TSPAN9: variants seen among roughly 807,000 people sequenced by gnomAD.
The protein encoded by TSPAN9 is tetraspanin 9, also known as tetraspanin-9.
In TSPAN9, 16 loss-of-function variants were observed where a neutral mutation model predicts 31.0. The ratio of observed to expected loss-of-function variants is 0.52; its 90% CI spans 0.35 to 0.78. The LOEUF is 0.78. Ranked by LOEUF, TSPAN9 falls within the 30% of genes least tolerant of loss-of-function variation. The pLI is 0.01. For synonymous variants in TSPAN9, 145 were observed against 121.6 expected (o/e 1.19, Z -1.27); for missense variants, 272 against 312.5 (o/e 0.87, Z 0.98).
intron 3 of TSPAN9, chr12:3,206,494 C>G (rs2098375268): frequency 2.9e-6 from 1 of 341,310 alleles, no homozygotes; most frequent in Non-Finnish European, 6.3e-6. Context: ...CTTTCCTCCC[C>G]TCTACACCCA....
chr12:3,154,658 A>G (rs1344910553), intron 2 of TSPAN9, among the ~76,000 whole-genome samples: 2 of 152,182 alleles, frequency 1.3e-5, no homozygotes, highest in Non-Finnish European at 2.9e-5. Context: ...CCAGCATAGA[A>G]CATGATGCAC....
At chr12:3,264,571 A>G (rs61597223) in intron 3 of TSPAN9, among the ~76,000 whole-genome samples, 61,056 of 152,032 alleles carry the variant, frequency 0.4, 13,895 homozygotes, top group South Asian at 0.6. Context: ...CAGGGCTCGG[A>G]GAGGCCCAGG....
chr12:3,256,377 G>A (rs1177063085), intron 3 of TSPAN9, among the ~76,000 whole-genome samples: 2 of 152,208 alleles, frequency 1.3e-5, no homozygotes, highest in Non-Finnish European at 2.9e-5. Flanking sequence ...TTGCCGCAGG[G>A]GTCCGGCAGT....
intron 2 of TSPAN9, among the ~76,000 whole-genome samples, chr12:3,128,189 T>C (rs1465580700): frequency 3.9e-5 from 6 of 152,158 alleles, no homozygotes; most frequent in African/African-American, 1.4e-4. Context: ...CCCATTCTTG[T>C]CTCTGTTCTC....
intron 2 of TSPAN9, among the ~76,000 whole-genome samples, chr12:3,179,468 G>A (rs1315210460): frequency 6.6e-6 from 1 of 152,206 alleles, no homozygotes; most frequent in African/African-American, 2.4e-5. Flanking sequence ...CCTGCTTGGA[G>A]CCTTCAGATG....
chr12:3,156,613 T>G (rs949046843), intron 2 of TSPAN9, among the ~76,000 whole-genome samples: 1 of 151,524 alleles, frequency 6.6e-6, no homozygotes, highest in Non-Finnish European at 1.5e-5. Context: ...ACCTCCCAGA[T>G]CCTCCTGCCT....
rs149689778 is a variant in TSPAN9, at chr12:3,278,447, G to A, written c.90G>A (p.Val30=). The A allele has an allele frequency of 4.3e-6, 7 of 1,614,076 alleles. No individual in the cohort carries two copies. In the African/African-American group the frequency reaches 8.0e-5, roughly 18 times the overall value. ...TCTGTGGCTGTGGGCTGCTGGGAGT[G>A]GGCATCTGGCTCTCCGTGTCCCAAG... ...FWLCGCGLLG[V]GIWLSVSQGN... The change falls in exon 4 of 9, where the codon GTG becomes GTA. Residue 30 remains valine (V), a synonymous_variant. Coordinates refer to ENST00000011898, the MANE Select transcript of TSPAN9 (RefSeq NM_006675.5).
chr12:3,158,011 A>T (rs932193751), intron 2 of TSPAN9, among the ~76,000 whole-genome samples: 1 of 152,182 alleles, frequency 6.6e-6, no homozygotes, highest in East Asian at 1.9e-4. Flanking sequence ...CTAAAAAAAA[A>T]GAAATGGAAA....
At position 3,092,634 on chromosome 12, in the gene TSPAN9, G is replaced by A. The variant is rs192006082; in HGVS notation, c.-18+8915G>A. On this transcript the variant is annotated intron_variant, in intron 2 of 8. Coordinates refer to ENST00000011898, the MANE Select transcript of TSPAN9 (RefSeq NM_006675.5). The stretch of plus-strand genomic sequence containing the variant: ...GACTCAGCAGGGAGCTCTCACTGCT[G>A]TATGGACACACCTAATTTGACATAA... 3.9e-3 allele frequency among the ~76,000 whole-genome samples: 596 copies of A among 152,278 alleles called. 1 individual carries two copies. The highest frequency in any genetic ancestry group is 6.2e-3 in the Non-Finnish European group (421 of 68,020).
At chr12:3,118,256 G>GTTTTTTTTTGTTTT (rs2098323376) in intron 2 of TSPAN9, among the ~76,000 whole-genome samples, 1 of 31,582 alleles carries the variant, frequency 3.2e-5, no homozygotes, top group African/African-American at 8.7e-5. Context: ...TGCACCCGCC[G>GTTTTTTTTTGTTTT]TTTTTTTTTT....
chr12:3,273,486 C>A (rs2153980310), intron 3 of TSPAN9, among the ~76,000 whole-genome samples: 1 of 152,242 alleles, frequency 6.6e-6, no homozygotes, highest in South Asian at 2.1e-4. Flanking sequence ...CCCTGAGTCA[C>A]CCTGCCTCAC....
intron 3 of TSPAN9, among the ~76,000 whole-genome samples, chr12:3,205,255 T>C (rs1312058330): frequency 6.6e-6 from 1 of 152,244 alleles, no homozygotes; most frequent in Non-Finnish European, 1.5e-5. Flanking sequence ...TTGGAAAGCC[T>C]ATTCCTTGTG....
At chr12:3,278,102 C>T (rs1228956796) in intron 3 of TSPAN9, among the ~76,000 whole-genome samples, 4 of 152,232 alleles carry the variant, frequency 2.6e-5, no homozygotes, top group African/African-American at 7.2e-5. Context: ...TCACATGTGT[C>T]CAGTACCTTC....
intron 2 of TSPAN9, among the ~76,000 whole-genome samples, chr12:3,105,732 G>A (rs1450406411): frequency 7.1e-6 from 1 of 141,446 alleles, no homozygotes; most frequent in South Asian, 2.2e-4. Flanking sequence ...GTGTGCACGC[G>A]CGTGCACACA....
rs544793370 is a variant in TSPAN9, at chr12:3,203,000, C to A, written c.63+1744C>A. 4.1e-4 allele frequency among the ~76,000 whole-genome samples: 63 copies of A among 152,296 alleles called. 2 individuals carry two copies. In the South Asian group the frequency reaches 0.013, roughly 31 times the overall value. The stretch of plus-strand genomic sequence containing the variant: ...GCCTTTGGATTCACACGAATGCTGT[C>A]CTTTTCATTGTTCACAGCTTCCTTC... On this transcript the variant is annotated intron_variant, in intron 3 of 8. Transcript: ENST00000011898.
chr12:3,239,966 C>T (rs1158141317), intron 3 of TSPAN9, among the ~76,000 whole-genome samples: 1 of 151,912 alleles, frequency 6.6e-6, no homozygotes, highest in African/African-American at 2.4e-5. Context: ...AGAGGCCTGA[C>T]AAAGAAGGGC....
At position 3,283,025 on chromosome 12, in the gene TSPAN9, C is replaced by A; in HGVS notation, c.649-20C>A. On this transcript the variant is annotated intron_variant, in intron 8 of 8. Transcript: ENST00000011898. The stretch of plus-strand genomic sequence containing the variant: ...AGGCTGCTGCAGCTCCTGCCTCAGG[C>A]CCCTCCCCGTGTCTTTCAGATCCTG... 1 of 1,606,196 alleles carries A rather than the reference C, an allele frequency of 6.2e-7. No homozygotes were observed. The highest frequency in any genetic ancestry group is 8.5e-7 in the Non-Finnish European group (1 of 1,179,826).
intron 3 of TSPAN9, among the ~76,000 whole-genome samples, chr12:3,202,115 G>C (rs979008743): frequency 6.6e-6 from 1 of 152,246 alleles, no homozygotes; most frequent in Non-Finnish European, 1.5e-5. Context: ...GAGGCTGTGC[G>C]CACATATGTG....
intron 3 of TSPAN9, among the ~76,000 whole-genome samples, chr12:3,204,730 G>A (rs2098374045): frequency 6.6e-6 from 1 of 152,154 alleles, no homozygotes; most frequent in Admixed American, 6.5e-5. Context: ...AGACAATGCT[G>A]GCTTCTAGGT....
Sources: gnomAD v4.1 joint callset for allele counts (sites outside exome capture counted in the v4.1 genomes callset) on GRCh38, gnomAD v4.1.1 for gene constraint, MANE v1.5 for transcripts, NCBI Gene and HGNC (gene_info 2026-07-23, HGNC 2026-07-21) for gene names.